Variants in BTBD9 observed in about 807,000 individuals in gnomAD.
BTBD9 encodes the protein BTB/POZ domain-containing protein 9.
A neutral mutation model predicts 64.3 loss-of-function variants in BTBD9; 49 were observed. That is an observed-to-expected ratio of 0.76 (90% CI 0.61 to 0.97). The LOEUF (loss-of-function observed/expected upper bound fraction) is 0.97. Among genes scored for constraint, BTBD9 ranks in the 50% least tolerant of loss-of-function variants. The pLI is 0.00. For synonymous variants in BTBD9, 260 were observed against 274.7 expected, an observed-to-expected ratio of 0.95 and a Z score of 0.53; for missense variants, 598 against 762.1, an observed-to-expected ratio of 0.78 and a Z score of 2.53.
rs756526659 is a variant in BTBD9 at position 38,598,122 on chromosome 6, C to T, written c.-27-1G>A. Reference sequence around the variant, plus strand: ...TGTGGAATAGACGATAGTCGTTGTTCTATCATATAAAGAAGGAATGAGAGT... The same window carrying T: ...TGTGGAATAGACGATAGTCGTTGTTTTATCATATAAAGAAGGAATGAGAGT... On this transcript the variant is annotated splice_acceptor_variant, in intron 1 of 10. Coordinates refer to ENST00000481247, the MANE Select transcript of BTBD9 (RefSeq NM_001099272.2). LOFTEE classifies it low-confidence loss of function (5UTR_SPLICE). 2 of 1,602,658 alleles carry T rather than the reference C, an allele frequency of 1.2e-6. No homozygotes were observed. Among genetic ancestry groups the T allele is most frequent in the African/African-American group, 1.3e-5 (1 of 74,548 alleles).
At chr6:38,469,721 T>G (rs1018890724) in intron 6 of BTBD9, among the ~76,000 whole-genome samples, 1 of 152,332 alleles carries the variant, frequency 6.6e-6, no homozygotes, top group Admixed American at 6.5e-5. Flanking sequence ...CAGGATTTTG[T>G]CGTCTGAGTA....
intron 6 of BTBD9, among the ~76,000 whole-genome samples, chr6:38,553,739 G>C (rs893904590): frequency 6.6e-6 from 1 of 152,020 alleles, no homozygotes; most frequent in Non-Finnish European, 1.5e-5. Flanking sequence ...TGTAGTCCCA[G>C]CTACTTGGGA....
In BTBD9 at chr6:38,194,084, A is replaced by C. The variant is rs9470824; in HGVS notation, c.1563-1487T>G. ...TGGTGGCCTATTTTCTCGGTGGGCG[A>C]CTGCTGTCCTCCCAGACCCCCAGCT... On this transcript the variant is annotated intron_variant, in intron 9 of 10. Coordinates refer to ENST00000481247, the MANE Select transcript of BTBD9 (RefSeq NM_001099272.2). Among the ~76,000 whole-genome samples, 29 of 130,122 alleles carry C rather than the reference A, an allele frequency of 2.2e-4. No individual in the cohort carries two copies. In the South Asian group the frequency reaches 2.3e-3, roughly 10 times the overall value. The allele number at this position is 130,122 out of a possible 152,430, so 85.4% of individuals were successfully genotyped here. A position where few individuals can be genotyped will look rare whatever the true frequency, so the allele number is the denominator to read the frequency against.
At chr6:38,414,340 G>A (rs1253104197) in intron 6 of BTBD9, among the ~76,000 whole-genome samples, 1 of 152,082 alleles carries the variant, frequency 6.6e-6, no homozygotes, top group Non-Finnish European at 1.5e-5. Flanking sequence ...GCTGTCTTTT[G>A]TGTTCCATGG....
chr6:38,443,655 GCTCA>G (rs1156424654), intron 6 of BTBD9, among the ~76,000 whole-genome samples: 3 of 151,918 alleles, frequency 2.0e-5, no homozygotes, highest in Non-Finnish European at 2.9e-5. Flanking sequence ...TCTTTCTCTC[GCTCA>G]CTCATTTCCA....
At position 38,300,182 on chromosome 6, in the gene BTBD9, A is replaced by C. The variant is rs567497947; in HGVS notation, c.1265-11721T>G. Among the ~76,000 whole-genome samples the C allele has an allele frequency of 2.0e-5, 3 of 152,176 alleles. No individual in the cohort carries two copies. In the South Asian group the frequency reaches 6.2e-4, roughly 32 times the overall value. ...CAGATAGTTGTAGATATGCAGCATT[A>C]TTTCTGAGGGCTCTGTTCTGTTCCA... On this transcript the variant is annotated intron_variant, in intron 7 of 10. Transcript: ENST00000481247.
At chr6:38,222,991 C>T (rs553741193) in intron 9 of BTBD9, among the ~76,000 whole-genome samples, 88 of 152,266 alleles carry the variant, frequency 5.8e-4, no homozygotes, top group African/African-American at 2.0e-3. Flanking sequence ...ATTGCAACCT[C>T]CACCTCCCGG....
intron 1 of BTBD9, 124 bp from the exon 2 acceptor site, chr6:38,598,245 T>A (rs2127497712): frequency 1.5e-6 from 1 of 680,664 alleles, no homozygotes; most frequent in South Asian, 2.2e-5. Flanking sequence ...AGAGAGTTAA[T>A]CAATGGTATC....
chr6:38,541,713 G>A (rs1440418425), intron 6 of BTBD9, among the ~76,000 whole-genome samples: 51 of 152,128 alleles, frequency 3.4e-4, no homozygotes, highest in Admixed American at 3.3e-3. Flanking sequence ...ACTCCAGCCT[G>A]GTGACAGAGC....
At chr6:38,198,776 A>G (rs974111221) in intron 9 of BTBD9, among the ~76,000 whole-genome samples, 1 of 152,252 alleles carries the variant, frequency 6.6e-6, no homozygotes, top group Non-Finnish European at 1.5e-5. Context: ...CACTAAAGAA[A>G]TATTTGTTTC....
intron 9 of BTBD9, among the ~76,000 whole-genome samples, chr6:38,234,439 C>A (rs1284296799): frequency 6.6e-6 from 1 of 152,062 alleles, no homozygotes; most frequent in Non-Finnish European, 1.5e-5. Flanking sequence ...TTGGCTCGAC[C>A]CCACATGGAA....
chr6:38,492,126 T>G (rs1272657656), intron 6 of BTBD9, among the ~76,000 whole-genome samples: 3 of 152,118 alleles, frequency 2.0e-5, no homozygotes, highest in African/African-American at 7.2e-5. Flanking sequence ...ACAGCCTAAA[T>G]CAATCTATAA....
chr6:38,302,485 G>GTATATATATATATATATATATATA (rs59324806), intron 7 of BTBD9, among the ~76,000 whole-genome samples: 45 of 106,886 alleles, frequency 4.2e-4, no homozygotes, highest in East Asian at 6.2e-4. Flanking sequence ...TTGTGTGTAT[G>GTATATATATATATATATATATATA]TATATATATA....
intron 6 of BTBD9, among the ~76,000 whole-genome samples, chr6:38,386,773 G>T (rs1766191173): frequency 6.6e-6 from 1 of 151,490 alleles, no homozygotes; most frequent in Admixed American, 6.6e-5. Context: ...CTCCCAAGTA[G>T]CTGGGACTAC....
chr6:38,469,908 G>A (rs527994501), intron 6 of BTBD9, among the ~76,000 whole-genome samples: 27 of 152,076 alleles, frequency 1.8e-4, no homozygotes, highest in East Asian at 5.8e-4. Context: ...ATTGTAATAC[G>A]TAATTCAAAA....
At chr6:38,222,320 G>A (rs983633278) in intron 9 of BTBD9, among the ~76,000 whole-genome samples, 8 of 138,344 alleles carry the variant, frequency 5.8e-5, no homozygotes, top group African/African-American at 2.1e-4. Context: ...GAATGCAGTG[G>A]TGCGATCTCG....
At chr6:38,489,378 G>C (rs1771596160) in intron 6 of BTBD9, among the ~76,000 whole-genome samples, 1 of 152,070 alleles carries the variant, frequency 6.6e-6, no homozygotes, top group South Asian at 2.1e-4. Context: ...CAGGTGGGAG[G>C]ATCACTTGAG....
At chr6:38,375,613 C>T (rs889155598) in intron 6 of BTBD9, among the ~76,000 whole-genome samples, 1 of 152,156 alleles carries the variant, frequency 6.6e-6, no homozygotes, top group South Asian at 2.1e-4. Flanking sequence ...AATATCAGAT[C>T]TTTTCTTGCT....
chr6:38,419,714 T>C (rs1413113296), intron 6 of BTBD9, among the ~76,000 whole-genome samples: 3 of 151,888 alleles, frequency 2.0e-5, no homozygotes, highest in Non-Finnish European at 4.4e-5. Context: ...CTACTAAAAA[T>C]ACAAAATTAG....
Sources: allele counts gnomAD v4.1 joint callset (sites outside exome capture counted in the v4.1 genomes callset), GRCh38; gene constraint gnomAD v4.1.1; transcripts MANE v1.5; gene names NCBI Gene and HGNC (gene_info 2026-07-23, HGNC 2026-07-21).